PRKG1: variants seen among roughly 807,000 people sequenced by gnomAD.
PRKG1 encodes the protein protein kinase cGMP-dependent 1, also known as cGMP-dependent protein kinase 1.
Under a neutral mutation model 88.1 loss-of-function variants are expected in PRKG1, and 35 were observed. The observed-to-expected ratio is 0.40, with a 90% CI of 0.30 to 0.53. PRKG1 has a LOEUF of 0.53. PRKG1 is among the 20% of genes least tolerant of loss of function. PRKG1 has a pLI of 0.59. For synonymous variants in PRKG1, 303 were observed against 292.5 expected (o/e 1.04, Z -0.37); for missense variants, 540 against 839.8 (o/e 0.64, Z 4.41).
chr10:51,817,443 G>T (rs1414457031), intron 4 of PRKG1, among the ~76,000 whole-genome samples: 2 of 145,926 alleles, frequency 1.4e-5, no homozygotes, highest in African/African-American at 5.0e-5. Context: ...GTGAGAATAT[G>T]CAGCGTTTGG....
intron 4 of PRKG1, among the ~76,000 whole-genome samples, chr10:51,898,939 C>G (rs1331886650): frequency 2.0e-5 from 3 of 152,004 alleles, no homozygotes; most frequent in Admixed American, 1.3e-4. Context: ...ATTTACAAAA[C>G]AGAAAGTTTG....
chr10:50,992,334 C>A (rs1366987114), intron 1 of PRKG1, among the ~76,000 whole-genome samples: 1 of 152,076 alleles, frequency 6.6e-6, no homozygotes, highest in Non-Finnish European at 1.5e-5. Flanking sequence ...CAAAGAAACC[C>A]CACCTTCTGG....
At chr10:51,627,949 T>C (rs140870223) in intron 3 of PRKG1, among the ~76,000 whole-genome samples, 19,702 of 46,988 alleles carry the variant, frequency 0.42, 3,524 homozygotes, top group Non-Finnish European at 0.49. Flanking sequence ...TTCCTTTCTT[T>C]CTTTCTTTCT....
chr10:51,182,836 C>T (rs1239251241), intron 2 of PRKG1, among the ~76,000 whole-genome samples: 3 of 152,154 alleles, frequency 2.0e-5, no homozygotes, highest in Non-Finnish European at 2.9e-5. Context: ...CAAGAATTGT[C>T]GAATTCATAC....
chr10:51,448,649 G>T (rs1189282378), intron 2 of PRKG1, among the ~76,000 whole-genome samples: 1 of 151,818 alleles, frequency 6.6e-6, no homozygotes, highest in Non-Finnish European at 1.5e-5. Flanking sequence ...TTATCTTCTT[G>T]GTGCACTGAA....
chr10:51,604,011 A>G (rs1484462388), intron 3 of PRKG1, among the ~76,000 whole-genome samples: 1 of 151,500 alleles, frequency 6.6e-6, no homozygotes, highest in Non-Finnish European at 1.5e-5. Context: ...ATAAGACTTT[A>G]TATATTTTAT....
At chr10:51,650,641 A>G (rs567494308) in intron 3 of PRKG1, among the ~76,000 whole-genome samples, 1 of 152,340 alleles carries the variant, frequency 6.6e-6, no homozygotes, top group South Asian at 2.1e-4. Flanking sequence ...AGTGTGTTCC[A>G]TGGGATATTG....
At chr10:51,923,127 T>C (rs1435417585) in intron 5 of PRKG1, among the ~76,000 whole-genome samples, 1 of 152,098 alleles carries the variant, frequency 6.6e-6, no homozygotes, top group African/African-American at 2.4e-5. Context: ...GGACAATTGA[T>C]CCTTTATCAT....
chr10:52,127,297 G>T (rs1847952888), intron 7 of PRKG1, among the ~76,000 whole-genome samples: 1 of 152,176 alleles, frequency 6.6e-6, no homozygotes, highest in African/African-American at 2.4e-5. Flanking sequence ...GAGGTTAGGA[G>T]AAAATGAGTT....
At chr10:51,169,203 C>A (rs1846630351) in intron 2 of PRKG1, among the ~76,000 whole-genome samples, 1 of 152,102 alleles carries the variant, frequency 6.6e-6, no homozygotes, top group South Asian at 2.1e-4. Flanking sequence ...ACAATAACTT[C>A]TCTAATACCA....
At chr10:51,146,424 AATT>A (rs71029350) in intron 1 of PRKG1, among the ~76,000 whole-genome samples, 21 of 149,134 alleles carry the variant, frequency 1.4e-4, no homozygotes, top group African/African-American at 2.5e-4. Flanking sequence ...GTTTTAATCA[AATT>A]ATTATTATTA....
At chr10:51,500,961 C>CA (rs1465797171) in intron 3 of PRKG1, among the ~76,000 whole-genome samples, 2 of 152,154 alleles carry the variant, frequency 1.3e-5, no homozygotes, top group African/African-American at 4.8e-5. Context: ...ATTTTAGTGG[C>CA]AAAAAAGACA....
At chr10:51,503,747 C>T (rs1589024290) in intron 3 of PRKG1, among the ~76,000 whole-genome samples, 1 of 151,998 alleles carries the variant, frequency 6.6e-6, no homozygotes, top group Non-Finnish European at 1.5e-5. Flanking sequence ...TTGTAGAGTA[C>T]TTGAAAGAGC....
rs562087552 is a variant in PRKG1 at position 51,494,169 on chromosome 10, C to T, written c.592+26333C>T. Reference sequence around the variant, plus strand: ...TTGAACTGGGCTCAAGAGATCCTTCCACCCCACTCTCTCAGTTCACTGGGA... The same window carrying T: ...TTGAACTGGGCTCAAGAGATCCTTCTACCCCACTCTCTCAGTTCACTGGGA... On this transcript the variant is annotated intron_variant, in intron 3 of 17. Transcript: ENST00000373980. 1.8e-3 allele frequency among the ~76,000 whole-genome samples: 277 copies of T among 152,206 alleles called. 2 individuals are homozygous for T. Among genetic ancestry groups the T allele is most frequent in the African/African-American group, 6.6e-3 (273 of 41,534 alleles).
intron 2 of PRKG1, among the ~76,000 whole-genome samples, chr10:51,389,708 A>T (rs1238514470): frequency 6.6e-6 from 1 of 152,194 alleles, no homozygotes; most frequent in East Asian, 1.9e-4. Flanking sequence ...ATAGAGAAAT[A>T]ATAATGCTGG....
intron 9 of PRKG1, among the ~76,000 whole-genome samples, chr10:52,218,530 G>A (rs993100729): frequency 6.6e-6 from 1 of 152,040 alleles, no homozygotes; most frequent in East Asian, 1.9e-4. Flanking sequence ...TTACCCAACT[G>A]TATGAATAGT....
chr10:51,296,008 A>G (rs147527666), intron 2 of PRKG1, among the ~76,000 whole-genome samples: 3 of 151,904 alleles, frequency 2.0e-5, no homozygotes, highest in Non-Finnish European at 4.4e-5. Context: ...CCATCTTTAC[A>G]CCCCAGGGAT....
At chr10:51,567,324 A>G (rs926891738) in intron 3 of PRKG1, among the ~76,000 whole-genome samples, 1 of 152,052 alleles carries the variant, frequency 6.6e-6, no homozygotes, top group Non-Finnish European at 1.5e-5. Context: ...AAGGATCACT[A>G]TCAGGATGCT....
chr10:51,646,446 C>A (rs1194967217), intron 3 of PRKG1, among the ~76,000 whole-genome samples: 1 of 152,066 alleles, frequency 6.6e-6, no homozygotes, highest in Non-Finnish European at 1.5e-5. Context: ...TATCTTACAT[C>A]ATCATCATCT....
Sources: gnomAD v4.1 joint callset for allele counts (sites outside exome capture counted in the v4.1 genomes callset) on GRCh38, gnomAD v4.1.1 for gene constraint, MANE v1.5 for transcripts, NCBI Gene and HGNC (gene_info 2026-07-23, HGNC 2026-07-21) for gene names.